The following PDE1A variants were observed in gnomAD, a reference collection of about 807,000 sequenced individuals.
PDE1A encodes dual specificity calcium/calmodulin-dependent 3',5'-cyclic nucleotide phosphodiesterase 1A.
A neutral mutation model predicts 61.7 loss-of-function variants in PDE1A; 35 were observed. The ratio of observed to expected loss-of-function variants is 0.57; its 90% CI spans 0.43 to 0.75. PDE1A has a LOEUF of 0.75. Ranked by LOEUF, PDE1A falls within the 30% of genes least tolerant of loss-of-function variation. The pLI is 0.00. For missense variants in PDE1A, 597 were observed against 630.6 expected, an observed-to-expected ratio of 0.95 and a Z score of 0.57; for synonymous variants, 232 against 213.2, an observed-to-expected ratio of 1.09 and a Z score of -0.77.
intron 1 of PDE1A, chr2:182,522,478 T>C: frequency 6.4e-7 from 1 of 1,562,296 alleles, no homozygotes; most frequent in Non-Finnish European, 8.7e-7. Flanking sequence ...GTAGCCTCTC[T>C]TATCTATCAA....
At chr2:182,395,497 T>C (rs532893913) in intron 1 of PDE1A, among the ~76,000 whole-genome samples, 1 of 151,944 alleles carries the variant, frequency 6.6e-6, no homozygotes, top group Non-Finnish European at 1.5e-5. Flanking sequence ...TGGGGCACGT[T>C]GAGATATTCC....
chr2:182,295,057 CTTTT>C (rs11420821), intron 1 of PDE1A, among the ~76,000 whole-genome samples: 7 of 59,350 alleles, frequency 1.2e-4, no homozygotes, highest in East Asian at 5.8e-4. Context: ...AAAAGGTAAT[CTTTT>C]TTTTTTTTTT....
chr2:182,282,813 C>A (rs546574557), intron 1 of PDE1A, among the ~76,000 whole-genome samples: 1 of 152,090 alleles, frequency 6.6e-6, no homozygotes, highest in South Asian at 2.1e-4. Flanking sequence ...AATTGGCAGT[C>A]CAGTTCATTC....
chr2:182,561,652 G>T, the PDE1A span, among the ~76,000 whole-genome samples: 1 of 152,062 alleles, frequency 6.6e-6, no homozygotes, highest in Non-Finnish European at 1.5e-5. Flanking sequence ...TGGGCAGTAT[G>T]GCCATTTTCA....
the PDE1A span, among the ~76,000 whole-genome samples, chr2:182,579,426 G>A: frequency 2.0e-5 from 3 of 152,186 alleles, no homozygotes; most frequent in African/African-American, 7.2e-5. Context: ...TAGGCACTCT[G>A]CTATAGAGTT....
intron 2 of PDE1A, among the ~76,000 whole-genome samples, chr2:182,494,415 T>G (rs1688584938): frequency 7.0e-6 from 1 of 143,770 alleles, no homozygotes; most frequent in Admixed American, 6.9e-5. Flanking sequence ...TCAGCCCCTC[T>G]GCCCAACCAC....
chr2:182,446,513 T>C (rs997729676), intron 2 of PDE1A, among the ~76,000 whole-genome samples: 1 of 152,124 alleles, frequency 6.6e-6, no homozygotes, highest in African/African-American at 2.4e-5. Flanking sequence ...TGAGACTAAG[T>C]ATTCTGTGTC....
chr2:182,488,217 T>C (rs1355961401), intron 2 of PDE1A, among the ~76,000 whole-genome samples: 1 of 152,206 alleles, frequency 6.6e-6, no homozygotes, highest in African/African-American at 2.4e-5. Context: ...ATTCACAATT[T>C]GTAATCTGTC....
At chr2:182,380,105 T>TC in intron 1 of PDE1A, among the ~76,000 whole-genome samples, 1 of 125,462 alleles carries the variant, frequency 8.0e-6, no homozygotes, top group Non-Finnish European at 1.7e-5. Context: ...ACCCAGCTCC[T>TC]CTTTTTTTTT....
At chr2:182,291,591 A>G (rs1245084263) in intron 1 of PDE1A, among the ~76,000 whole-genome samples, 1 of 152,100 alleles carries the variant, frequency 6.6e-6, no homozygotes, top group Non-Finnish European at 1.5e-5. Flanking sequence ...AAATATACCA[A>G]TTCCCTCTGG....
chr2:182,444,576 A>G (rs1277851446), intron 2 of PDE1A, among the ~76,000 whole-genome samples: 1 of 152,060 alleles, frequency 6.6e-6, no homozygotes, highest in African/African-American at 2.4e-5. Flanking sequence ...CTACTTATGA[A>G]TTTTGAGTTT....
At chr2:182,230,130 A>G (rs1689459546) in exon 6 of PDE1A, 1 of 1,612,210 alleles carries the variant, frequency 6.2e-7, no homozygotes, top group Admixed American at 1.7e-5. Flanking sequence ...AAAGGTGATT[A>G]GGCAAGAAAC....
At chr2:182,666,641 C>T in the PDE1A span, among the ~76,000 whole-genome samples, 3 of 151,792 alleles carry the variant, frequency 2.0e-5, no homozygotes, top group South Asian at 4.2e-4. Flanking sequence ...CAATAACATA[C>T]TCAAAAGGGT....
intron 11 of PDE1A, among the ~76,000 whole-genome samples, chr2:182,188,515 A>C (rs1462722838): frequency 1.3e-5 from 2 of 152,196 alleles, no homozygotes; most frequent in African/African-American, 4.8e-5. Flanking sequence ...ATCATTTTGC[A>C]AATTTCCTGT....
At chr2:182,320,700 C>A (rs1458547526) in intron 1 of PDE1A, among the ~76,000 whole-genome samples, 1 of 152,112 alleles carries the variant, frequency 6.6e-6, no homozygotes, top group African/African-American at 2.4e-5. Context: ...ATGTTCGTAG[C>A]TAACTTCAGT....
chr2:182,574,232 C>T, the PDE1A span, among the ~76,000 whole-genome samples: 1 of 152,032 alleles, frequency 6.6e-6, no homozygotes, highest in Non-Finnish European at 1.5e-5. Context: ...TTAAAAGGTG[C>T]CCATCCAGAT....
At chr2:182,482,371 T>C (rs1687756351) in intron 2 of PDE1A, among the ~76,000 whole-genome samples, 1 of 151,746 alleles carries the variant, frequency 6.6e-6, no homozygotes, top group African/African-American at 2.4e-5. Context: ...TAAGAAAAAA[T>C]ATGATTATGG....
intron 1 of PDE1A, among the ~76,000 whole-genome samples, chr2:182,379,112 C>T (rs1291726831): frequency 6.6e-6 from 1 of 152,092 alleles, no homozygotes; most frequent in East Asian, 1.9e-4. Flanking sequence ...CCCACTGATA[C>T]CTACTTTCAC....
intron 1 of PDE1A, among the ~76,000 whole-genome samples, chr2:182,360,176 G>A (rs552575159): frequency 6.8e-4 from 103 of 152,202 alleles, no homozygotes; most frequent in East Asian, 2.5e-3. Context: ...TGGAGAAGAC[G>A]TGATGAATTA....
Sources: gnomAD v4.1 joint callset for allele counts (sites outside exome capture counted in the v4.1 genomes callset) on GRCh38, gnomAD v4.1.1 for gene constraint, MANE v1.5 for transcripts, NCBI Gene and HGNC (gene_info 2026-07-23, HGNC 2026-07-21) for gene names.